PCDHA4: variants seen among roughly 807,000 people sequenced by gnomAD.
PCDHA4 encodes the protein protocadherin alpha-4.
A neutral mutation model predicts 61.4 loss-of-function variants in PCDHA4; 49 were observed. The ratio of observed to expected loss-of-function variants is 0.80; its 90% CI spans 0.63 to 1.01. The LOEUF (loss-of-function observed/expected upper bound fraction) is 1.01. PCDHA4 is among the 50% of genes least tolerant of loss of function. The pLI, the probability that PCDHA4 is intolerant of heterozygous loss-of-function variation, is 0.00. For missense variants in PCDHA4, 1,254 were observed against 1,235.8 expected (o/e 1.01, Z -0.22); for synonymous variants, 590 against 550.3 (o/e 1.07, Z -1.01).
chr5:140,829,552 C>A (rs1302023406), intron 1 of PCDHA4: 5 of 1,612,754 alleles, frequency 3.1e-6, no homozygotes, highest in African/African-American at 1.3e-5. Context: ...CGCAGGAGAA[C>A]GCGCTGGTGT....
intron 1 of PCDHA4, chr5:140,841,618 C>T (rs782778902): frequency 6.2e-7 from 1 of 1,614,014 alleles, no homozygotes; most frequent in South Asian, 1.1e-5. Flanking sequence ...GCGGGCGGAG[C>T]GCGGAGTGCA....
intron 1 of PCDHA4, chr5:140,870,528 A>G (rs556976390): frequency 3.1e-6 from 5 of 1,614,214 alleles, no homozygotes; most frequent in African/African-American, 2.7e-5. Context: ...ACATCTTCAC[A>G]GTGTCGGCGC....
chr5:140,892,310 A>T (rs1346325979), intron 1 of PCDHA4, among the ~76,000 whole-genome samples: 1 of 152,230 alleles, frequency 6.6e-6, no homozygotes, highest in African/African-American at 2.4e-5. Flanking sequence ...TTTGGGGCTT[A>T]TAACATTTTC....
intron 1 of PCDHA4, among the ~76,000 whole-genome samples, chr5:140,903,652 T>C (rs1304934693): frequency 6.6e-6 from 1 of 152,234 alleles, no homozygotes; most frequent in Non-Finnish European, 1.5e-5. Context: ...ATACATATAT[T>C]ATAAATTTAA....
intron 1 of PCDHA4, chr5:140,836,822 T>C: frequency 9.7e-7 from 1 of 1,033,238 alleles, no homozygotes; most frequent in African/African-American, 1.6e-5. Flanking sequence ...ATAATTTCTT[T>C]TTTAGTTGAT....
Position 140,850,160 on chromosome 5 carries a change from G to A in PCDHA4, c.2385+40588G>A, listed in dbSNP as rs2150470275. On this transcript the variant is annotated intron_variant, in intron 1 of 3. Coordinates refer to ENST00000530339, the MANE Select transcript of PCDHA4 (RefSeq NM_018907.4). ...GCAACGTGACGCTGCAGGTGTTCGT[G>A]CTGGACGAGAACGACAATGCGCCGG... 5 of 1,595,068 alleles carry A rather than the reference G, an allele frequency of 3.1e-6. No homozygotes were observed. The Admixed American group carries it at 6.7e-5, about 22-fold the overall frequency.
chr5:141,000,924 G>C (rs375816680), intron 3 of PCDHA4, among the ~76,000 whole-genome samples: 97 of 152,046 alleles, frequency 6.4e-4, no homozygotes, highest in African/African-American at 2.2e-3. Context: ...AAAAAATCCT[G>C]TGTGATTTAG....
chr5:140,900,907 T>C (rs1156878452), intron 1 of PCDHA4, among the ~76,000 whole-genome samples: 1 of 152,190 alleles, frequency 6.6e-6, no homozygotes, highest in African/African-American at 2.4e-5. Context: ...ATTTTAACTG[T>C]GGTAAGATGA....
chr5:140,843,845 C>A (rs1191998999), intron 1 of PCDHA4: 1 of 1,001,508 alleles, frequency 1.0e-6, no homozygotes, highest in Non-Finnish European at 1.5e-6. Context: ...TTTTTAGAAA[C>A]CTTTTATAAT....
intron 1 of PCDHA4, among the ~76,000 whole-genome samples, chr5:140,896,577 G>A (rs1273423445): frequency 4.7e-5 from 7 of 149,554 alleles, no homozygotes; most frequent in African/African-American, 1.7e-4. Context: ...GGGTTTTGAC[G>A]TGTTGGCCAG....
chr5:140,856,813 G>T (rs150906180), intron 1 of PCDHA4: 1 of 1,594,284 alleles, frequency 6.3e-7, no homozygotes, highest in East Asian at 2.2e-5. Context: ...AAAATCAAGT[G>T]AACCAAACAT....
At chr5:141,000,421 AT>A (rs34755515) in intron 3 of PCDHA4, among the ~76,000 whole-genome samples, 491 of 27,806 alleles carry the variant, frequency 0.018, 4 homozygotes, top group South Asian at 0.021. Flanking sequence ...ATATATATAT[AT>A]TTTTTTTTTT....
intron 1 of PCDHA4, chr5:140,830,261 T>C (rs1554132677): frequency 1.2e-6 from 2 of 1,613,550 alleles, no homozygotes; most frequent in African/African-American, 1.3e-5. Flanking sequence ...GCTGCGGTGC[T>C]CGGCGCCACC....
rs543216216 is a variant in PCDHA4, at chr5:140,917,329, G to A, written c.2386-61620G>A. 1.4e-4 allele frequency among the ~76,000 whole-genome samples: 20 copies of A among 144,014 alleles called. 2 individuals are homozygous for A. In the South Asian group the frequency reaches 2.0e-3, roughly 14 times the overall value. The allele number at this position is 144,014 out of a possible 152,430, so 94.5% of individuals were successfully genotyped here. ...ACAATTTGGTGTTCATGTGGCGGGG[G>A]AGGGGGGGGATGGTGTAGGCTTCTG... is the stretch of plus-strand genomic sequence containing the variant. On this transcript the variant is annotated intron_variant, in intron 1 of 3. Coordinates refer to ENST00000530339, the MANE Select transcript of PCDHA4 (RefSeq NM_018907.4).
rs368334312 is a variant in PCDHA4 at position 140,876,999 on chromosome 5, G to A, written c.2385+67427G>A. The A allele has an allele frequency of 1.6e-5, 26 of 1,612,428 alleles. No homozygotes were observed. In the African/African-American group the frequency reaches 3.1e-4, roughly 19 times the overall value. ...AGCACGCACTGTCGAGCTACGTGTC[G>A]GTGCACGCGGAGAGCGGCAAGGTGT... On this transcript the variant is annotated intron_variant, in intron 1 of 3. Coordinates refer to ENST00000530339, the MANE Select transcript of PCDHA4 (RefSeq NM_018907.4).
intron 1 of PCDHA4, among the ~76,000 whole-genome samples, chr5:140,909,091 C>T: frequency 6.6e-6 from 1 of 152,220 alleles, no homozygotes; most frequent in Non-Finnish European, 1.5e-5. Flanking sequence ...TGCTACTTCT[C>T]ACTCACTGGG....
At chr5:140,991,754 G>A (rs1554252407) in intron 3 of PCDHA4, among the ~76,000 whole-genome samples, 2 of 152,034 alleles carry the variant, frequency 1.3e-5, no homozygotes, top group African/African-American at 4.8e-5. Context: ...TTTCTATCAT[G>A]CTCTTCAAAA....
chr5:140,877,247 C>T (rs782249614), intron 1 of PCDHA4: 1 of 1,613,680 alleles, frequency 6.2e-7, no homozygotes, highest in African/African-American at 1.3e-5. Context: ...CACGTGGTGG[C>T]GAAAGTGCGC....
intron 1 of PCDHA4, chr5:140,827,917 G>T: frequency 1.1e-6 from 1 of 901,262 alleles, no homozygotes; most frequent in East Asian, 2.4e-5. Context: ...TGATGTCGCT[G>T]TCTACCATGA....
Sources: allele counts gnomAD v4.1 joint callset (sites outside exome capture counted in the v4.1 genomes callset), GRCh38; gene constraint gnomAD v4.1.1; transcripts MANE v1.5; gene names NCBI Gene and HGNC (gene_info 2026-07-23, HGNC 2026-07-21).